TADA2A: variants seen among roughly 807,000 people sequenced by gnomAD.
The protein encoded by TADA2A is transcriptional adaptor 2A.
In TADA2A, 38 loss-of-function variants were observed where a neutral mutation model predicts 67.4. The observed-to-expected ratio is 0.56, with a 90% CI of 0.44 to 0.74. The LOEUF is 0.74. Ranked by LOEUF, TADA2A falls within the 30% of genes least tolerant of loss-of-function variation. TADA2A has a pLI of 0.00. For missense variants in TADA2A, 454 were observed against 547.0 expected (o/e 0.83, Z 1.70); for synonymous variants, 192 against 181.6 (o/e 1.06, Z -0.46).
chr17:37,415,071 G>A (rs1337327209), intron 2 of TADA2A, among the ~76,000 whole-genome samples: 1 of 151,070 alleles, frequency 6.6e-6, no homozygotes, highest in South Asian at 2.1e-4. Flanking sequence ...TTTTGTATAC[G>A]GGATTTCACC....
intron 3 of TADA2A, chr17:37,426,475 C>G (rs549561540): frequency 1.4e-4 from 21 of 152,076 alleles, no homozygotes; most frequent in African/African-American, 5.1e-4. Flanking sequence ...CGAGGCCAGC[C>G]TGGCCAAGGT....
intron 4 of TADA2A, among the ~76,000 whole-genome samples, chr17:37,435,025 TC>T (rs2052679996): frequency 6.6e-6 from 1 of 152,256 alleles, no homozygotes; most frequent in South Asian, 2.1e-4. Flanking sequence ...GGCGGGCAGA[TC>T]ACCTGAGGTC....
chr17:37,411,941 T>A (rs968939001), intron 2 of TADA2A, among the ~76,000 whole-genome samples: 42 of 150,562 alleles, frequency 2.8e-4, no homozygotes, highest in African/African-American at 9.5e-4. Flanking sequence ...CCGGGCGTGG[T>A]GGCTCACGCC....
At chr17:37,444,414 C>G (rs2053015402) in intron 7 of TADA2A, among the ~76,000 whole-genome samples, 1 of 152,118 alleles carries the variant, frequency 6.6e-6, no homozygotes, top group Non-Finnish European at 1.5e-5. Context: ...GCTACTGTGC[C>G]CAGCTCAGAC....
In TADA2A at chr17:37,476,903, C is replaced by T. The variant is rs2053903018; in HGVS notation, c.1253C>T (p.Ala418Val). ...QGGLRLAQARALIKIDVNKTR... is the reference protein window; with the variant it reads ...QGGLRLAQARVLIKIDVNKTR... ...GGCTTAAGACTGGCGCAGGCAAGAG[C>T]ACTCATCAAGATAGATGTGAACAAA... The change falls in exon 16 of 16, where the codon GCA (alanine) becomes GTA (valine). Residue 418 changes from alanine to valine, a missense_variant. This residue lies in a region of TADA2A where 51 missense variants were observed against 91.5 expected (regional missense o/e 0.56). Transcript: ENST00000615182. 5.0e-6 allele frequency: 8 copies of T among 1,614,118 alleles called. No homozygotes were observed. The highest frequency in any genetic ancestry group is 5.9e-6 in the Non-Finnish European group (7 of 1,180,018).
At position 37,474,539 on chromosome 17, in the gene TADA2A, C is replaced by G. The variant is rs1287336092; in HGVS notation, c.1073-17C>G. On this transcript the variant is annotated splice_polypyrimidine_tract_variant and intron_variant, in intron 14 of 15. Transcript: ENST00000615182. ...CACTCCTATTAAATCTATGCTGTTT[C>G]CTTTCTCTGTCTATAGGTAGACGGA... 1.2e-6 allele frequency: 2 copies of G among 1,611,798 alleles called. No individual in the cohort carries two copies. Among genetic ancestry groups the G allele is most frequent in the Non-Finnish European group, 1.7e-6 (2 of 1,178,848 alleles).
At chr17:37,420,191 T>A (rs1373537645) in intron 2 of TADA2A, among the ~76,000 whole-genome samples, 1 of 146,256 alleles carries the variant, frequency 6.8e-6, no homozygotes, top group Non-Finnish European at 1.5e-5. Flanking sequence ...GGCTCACTCC[T>A]GTAATCACAG....
At chr17:37,414,800 C>G (rs2051989909) in intron 2 of TADA2A, among the ~76,000 whole-genome samples, 1 of 152,164 alleles carries the variant, frequency 6.6e-6, no homozygotes, top group Non-Finnish European at 1.5e-5. Flanking sequence ...CTTGTACTTA[C>G]CAACTTCATT....
At chr17:37,474,136 G>C (rs1469796961) in intron 14 of TADA2A, among the ~76,000 whole-genome samples, 1 of 152,204 alleles carries the variant, frequency 6.6e-6, no homozygotes, top group Non-Finnish European at 1.5e-5. Context: ...GTAGTTGGGA[G>C]GCTGAGGCAG....
chr17:37,427,959 G>A (rs2023356117), intron 4 of TADA2A, among the ~76,000 whole-genome samples: 1 of 151,858 alleles, frequency 6.6e-6, no homozygotes, highest in East Asian at 1.9e-4. Context: ...TCCAGCCTGG[G>A]CGACAGAGTG....
intron 4 of TADA2A, among the ~76,000 whole-genome samples, chr17:37,429,200 A>G (rs2052500253): frequency 6.6e-6 from 1 of 151,942 alleles, no homozygotes. Flanking sequence ...TCAACCTCCT[A>G]AAGTGCTGGG....
intron 4 of TADA2A, among the ~76,000 whole-genome samples, chr17:37,428,220 G>A (rs1402119380): frequency 6.6e-6 from 1 of 152,092 alleles, no homozygotes; most frequent in Non-Finnish European, 1.5e-5. Context: ...TCACAGTTCT[G>A]TGGATCAGAA....
At chr17:37,412,496 A>AT (rs1170493815) in intron 2 of TADA2A, among the ~76,000 whole-genome samples, 2 of 152,166 alleles carry the variant, frequency 1.3e-5, no homozygotes, top group Non-Finnish European at 2.9e-5. Context: ...GGATAAAAAA[A>AT]TTATACTGGC....
chr17:37,413,753 C>T (rs924952970), intron 2 of TADA2A, among the ~76,000 whole-genome samples: 32 of 151,914 alleles, frequency 2.1e-4, no homozygotes, highest in African/African-American at 6.0e-4. Flanking sequence ...ATTCCCCCCC[C>T]ACCCCCTGCC....
At chr17:37,476,195 C>T (rs2053889466) in intron 15 of TADA2A, among the ~76,000 whole-genome samples, 1 of 152,088 alleles carries the variant, frequency 6.6e-6, no homozygotes, top group South Asian at 2.1e-4. Flanking sequence ...TTTTTTTATC[C>T]TTACCCACAT....
rs567546568 is a variant in TADA2A at position 37,476,720 on chromosome 17, A to T, written c.1147-77A>T. ...TTGGAGGTTGATGTCACTTTAAAAA[A>T]TTTTTTGCTATACCTGCTGGATTAA... On this transcript the variant is annotated intron_variant, in intron 15 of 15. Coordinates refer to ENST00000615182, the MANE Select transcript of TADA2A (RefSeq NM_001166105.3). 61 of 1,520,460 alleles carry T rather than the reference A, an allele frequency of 4.0e-5. 1 individual carries two copies. Among genetic ancestry groups the T allele is most frequent in the East Asian group, 3.6e-4 (16 of 44,064 alleles). 94.2% of individuals were successfully genotyped at this position (1,520,460 alleles called of 1,614,324 possible). A position where few individuals can be genotyped will look rare whatever the true frequency, so the allele number is the denominator to read the frequency against.
At chr17:37,450,619 G>A (rs1463869166) in intron 8 of TADA2A, 2 of 152,168 alleles carry the variant, frequency 1.3e-5, no homozygotes, top group Non-Finnish European at 2.9e-5. Flanking sequence ...GAGATTTCAG[G>A]GGCCTTGTAG....
At chr17:37,449,214 G>C (rs2053165913) in intron 8 of TADA2A, among the ~76,000 whole-genome samples, 1 of 151,970 alleles carries the variant, frequency 6.6e-6, no homozygotes, top group Non-Finnish European at 1.5e-5. Flanking sequence ...GTAGAGACGG[G>C]GTTTCACCAT....
intron 13 of TADA2A, among the ~76,000 whole-genome samples, chr17:37,470,769 C>T (rs931049308): frequency 5.3e-5 from 8 of 151,944 alleles, no homozygotes; most frequent in Non-Finnish European, 1.0e-4. Context: ...GTGTATTTTC[C>T]CCCAGCCTTC....
Sources: allele counts gnomAD v4.1 joint callset (sites outside exome capture counted in the v4.1 genomes callset), GRCh38; gene constraint gnomAD v4.1.1; regional missense constraint gnomAD v4.1.1; transcripts MANE v1.5; gene names NCBI Gene and HGNC (gene_info 2026-07-23, HGNC 2026-07-21).